Variants in SCAMP1 observed in about 807,000 individuals in gnomAD.
The protein encoded by SCAMP1 is secretory carrier-associated membrane protein 1.
Under a neutral mutation model 41.8 loss-of-function variants are expected in SCAMP1, and 15 were observed. That is an observed-to-expected ratio of 0.36 (90% confidence interval 0.24 to 0.55). The LOEUF (loss-of-function observed/expected upper bound fraction) is 0.55. Ranked by LOEUF, SCAMP1 falls within the 20% of genes least tolerant of loss-of-function variation. The pLI, the probability that SCAMP1 is intolerant of heterozygous loss-of-function variation, is 0.86. For synonymous variants in SCAMP1, 135 were observed against 136.8 expected (o/e 0.99, Z 0.09); for missense variants, 341 against 412.6 (o/e 0.83, Z 1.50).
In SCAMP1 at chr5:78,478,556, A is replaced by G. The variant is rs931495209; in HGVS notation, c.*2888A>G. 5.3e-5 allele frequency: 8 copies of G among 152,192 alleles called. No individual in the cohort carries two copies. Among genetic ancestry groups the G allele is most frequent in the African/African-American group, 1.7e-4 (7 of 41,468 alleles). The allele number at this position is 152,192 out of a possible 1,614,324, so 9.4% of individuals were successfully genotyped here. A position where few individuals can be genotyped will look rare whatever the true frequency, so the allele number is the denominator to read the frequency against. ...TTTAAGGTCAAAATACAGATCATCT[A>G]GAAGTTAGATTCAAAATGGAAAACC... On this transcript the variant is annotated 3_prime_UTR_variant, in exon 9 of 9. Transcript: ENST00000621999.
chr5:78,410,794 C>A (rs1752056338), intron 2 of SCAMP1, among the ~76,000 whole-genome samples: 1 of 152,200 alleles, frequency 6.6e-6, no homozygotes. Flanking sequence ...TTCTCCATAA[C>A]CTCGCCAGCA....
chr5:78,401,822 TTTAATTTCGTTGACTTGTGCTC>T (rs1751806395), intron 2 of SCAMP1, among the ~76,000 whole-genome samples: 1 of 152,276 alleles, frequency 6.6e-6, no homozygotes, highest in South Asian at 2.1e-4. Flanking sequence ...ATTTTCTGTT[TTTAATTTCGTTGACTTGTGCTC>T]TTATTTCTTT....
rs556650989 is a variant in SCAMP1 at position 78,439,036 on chromosome 5, C to G, written c.633-10897C>G. The stretch of plus-strand genomic sequence containing the variant: ...ATTTTATCAGAGACTAGGATTGCAA[C>G]CCCTGCTTCTTTTTGCTTTCCATTT... On this transcript the variant is annotated intron_variant, in intron 6 of 8. Coordinates refer to ENST00000621999, the MANE Select transcript of SCAMP1 (RefSeq NM_004866.6). 3.9e-5 allele frequency among the ~76,000 whole-genome samples: 6 copies of G among 152,272 alleles called. No individual in the cohort carries two copies. In the East Asian group the frequency reaches 9.6e-4, roughly 24 times the overall value.
At chr5:78,380,482 A>C (rs555981379) in intron 1 of SCAMP1, among the ~76,000 whole-genome samples, 1 of 152,166 alleles carries the variant, frequency 6.6e-6, no homozygotes, top group Admixed American at 6.5e-5. Flanking sequence ...ATTTTTTGCT[A>C]ATTTGATAGG....
In SCAMP1 at chr5:78,475,492, G is replaced by T. The variant is rs776750345; in HGVS notation, c.853-12G>T. On this transcript the variant is annotated splice_polypyrimidine_tract_variant and intron_variant, in intron 8 of 8. Coordinates refer to ENST00000621999, the MANE Select transcript of SCAMP1 (RefSeq NM_004866.6). Reference sequence around the variant, plus strand: ...GCTACTTACCTTCTCCCACTTTTTTGTGCCTCTGTAGGTACATGGACTATA... The same window carrying T: ...GCTACTTACCTTCTCCCACTTTTTTTTGCCTCTGTAGGTACATGGACTATA... 1.9e-6 allele frequency: 3 copies of T among 1,547,936 alleles called. No homozygotes were observed. The highest frequency in any genetic ancestry group is 2.2e-5 in the Admixed American group (1 of 45,766).
intron 1 of SCAMP1, among the ~76,000 whole-genome samples, chr5:78,385,550 T>G (rs1751320448): frequency 6.6e-6 from 1 of 152,138 alleles, no homozygotes; most frequent in South Asian, 2.1e-4. Context: ...TGTCTATTTG[T>G]GCTGTTTCAG....
intron 1 of SCAMP1, among the ~76,000 whole-genome samples, chr5:78,376,032 C>T (rs1004743840): frequency 1.3e-5 from 2 of 152,088 alleles, no homozygotes; most frequent in Non-Finnish European, 2.9e-5. Flanking sequence ...GTCAGGGACC[C>T]CGACTGTTCA....
intron 1 of SCAMP1, among the ~76,000 whole-genome samples, chr5:78,373,571 G>A (rs1479785748): frequency 6.6e-6 from 1 of 152,072 alleles, no homozygotes; most frequent in African/African-American, 2.4e-5. Flanking sequence ...TAAATGTTCA[G>A]TTCTTTGCCC....
chr5:78,473,073 A>G (rs755438140), intron 8 of SCAMP1, among the ~76,000 whole-genome samples: 9 of 152,160 alleles, frequency 5.9e-5, no homozygotes, highest in Non-Finnish European at 8.8e-5. Flanking sequence ...TTTTCCATAG[A>G]AAACTTGGTT....
In SCAMP1 at chr5:78,398,355, C is replaced by CTTTTTTTTTTTTTTTTTT. The variant is rs1197381285; in HGVS notation, c.135+9451_135+9468dup. 5.2e-5 allele frequency among the ~76,000 whole-genome samples: 3 copies of CTTTTTTTTTTTTTTTTTT among 57,464 alleles called. 1 individual carries two copies. The highest frequency in any genetic ancestry group is 2.2e-4 in the African/African-American group (3 of 13,376). 37.7% of individuals were successfully genotyped at this position (57,464 alleles called of 152,430 possible). A position where few individuals can be genotyped will look rare whatever the true frequency, so the allele number is the denominator to read the frequency against. On this transcript the variant is annotated intron_variant, in intron 2 of 8. Coordinates refer to ENST00000621999, the MANE Select transcript of SCAMP1 (RefSeq NM_004866.6). ...CTATAGTTTATCCTAGGGTTCACCT[C>CTTTTTTTTTTTTTTTTTT]TTTTTTTTTTTTTTTTTTTTTTTTT...
At chr5:78,369,133 G>T (rs1451181335) in intron 1 of SCAMP1, among the ~76,000 whole-genome samples, 1 of 151,150 alleles carries the variant, frequency 6.6e-6, no homozygotes, top group African/African-American at 2.4e-5. Flanking sequence ...TTGAGACAGG[G>T]TCTCTCTCTG....
In SCAMP1 at chr5:78,461,906, T is replaced by G. The variant is rs533460816; in HGVS notation, c.852+2544T>G. ...ATGATGCCTCTGGCTTTGTTCTTTT[T>G]GCTTAGGATTGCTTTAGCTATTCAG... On this transcript the variant is annotated intron_variant, in intron 8 of 8. Coordinates refer to ENST00000621999, the MANE Select transcript of SCAMP1 (RefSeq NM_004866.6). Among the ~76,000 whole-genome samples the G allele has an allele frequency of 6.6e-5, 10 of 152,308 alleles. No homozygotes were observed. The South Asian group carries it at 2.1e-3, about 32-fold the overall frequency.
intron 2 of SCAMP1, among the ~76,000 whole-genome samples, chr5:78,409,311 T>C (rs1203080609): frequency 6.6e-6 from 1 of 152,170 alleles, no homozygotes; most frequent in East Asian, 1.9e-4. Context: ...TATTATGTAC[T>C]AGAAGGGGAT....
At chr5:78,409,100 C>A (rs897798482) in intron 2 of SCAMP1, among the ~76,000 whole-genome samples, 1 of 152,122 alleles carries the variant, frequency 6.6e-6, no homozygotes, top group African/African-American at 2.4e-5. Flanking sequence ...CAATCCCTTA[C>A]CATCCTTGTA....
Position 78,397,919 on chromosome 5 carries a change from G to A in SCAMP1, c.135+9005G>A, listed in dbSNP as rs1019469892. ...GAGGATACCACTTCACATCCATTAG[G>A]ATATCTATAATCAAAGAGTCAGGCA... On this transcript the variant is annotated intron_variant, in intron 2 of 8. Coordinates refer to ENST00000621999, the MANE Select transcript of SCAMP1 (RefSeq NM_004866.6). Among the ~76,000 whole-genome samples the A allele has an allele frequency of 5.9e-5, 9 of 152,184 alleles. 1 individual carries two copies. Among genetic ancestry groups the A allele is most frequent in the African/African-American group, 1.9e-4 (8 of 41,436 alleles).
intron 2 of SCAMP1, among the ~76,000 whole-genome samples, chr5:78,390,060 C>G (rs920155314): frequency 1.3e-5 from 2 of 152,108 alleles, no homozygotes; most frequent in African/African-American, 4.8e-5. Context: ...TGACTGGTGA[C>G]TTGGGACTTG....
chr5:78,432,630 A>G (rs1381795147), intron 6 of SCAMP1, among the ~76,000 whole-genome samples: 1 of 151,906 alleles, frequency 6.6e-6, no homozygotes, highest in African/African-American at 2.4e-5. Context: ...GGCTGTCTTT[A>G]ATATTTTTTC....
At chr5:78,370,283 T>C (rs181992983) in intron 1 of SCAMP1, among the ~76,000 whole-genome samples, 2 of 152,364 alleles carry the variant, frequency 1.3e-5, no homozygotes, top group African/African-American at 4.8e-5. Context: ...TATTGTAAGA[T>C]GTTTTTAAAT....
chr5:78,407,526 CTGAG>C (rs1751963048), intron 2 of SCAMP1, among the ~76,000 whole-genome samples: 1 of 150,608 alleles, frequency 6.6e-6, no homozygotes, highest in African/African-American at 2.4e-5. Context: ...TGTGATGTAT[CTGAG>C]TGTTACTATT....
Sources: allele counts gnomAD v4.1 joint callset (sites outside exome capture counted in the v4.1 genomes callset), GRCh38; gene constraint gnomAD v4.1.1; transcripts MANE v1.5; gene names NCBI Gene and HGNC (gene_info 2026-07-23, HGNC 2026-07-21).